CD2AP: variants seen among roughly 807,000 people sequenced by gnomAD.
The protein encoded by CD2AP is CD2 associated protein.
CD2AP carries 46 observed loss-of-function variants against 85.1 expected under a neutral mutation model. That is an observed-to-expected ratio of 0.54 (90% CI 0.43 to 0.69). CD2AP has a LOEUF of 0.69. Among genes scored for constraint, CD2AP ranks in the 30% least tolerant of loss-of-function variants. CD2AP has a pLI of 0.00. For missense variants in CD2AP, 769 were observed against 729.5 expected (o/e 1.05, Z -0.62); for synonymous variants, 255 against 252.9 (o/e 1.01, Z -0.08).
chr6:47,593,957 T>C (rs969413164), intron 11 of CD2AP, among the ~76,000 whole-genome samples: 3 of 152,050 alleles, frequency 2.0e-5, no homozygotes, highest in Non-Finnish European at 4.4e-5. Flanking sequence ...TATTATTCAG[T>C]CACAAAAAGG....
rs770175851 is a variant in CD2AP, at chr6:47,595,858, T to C, written c.1109-3T>C. ...ATAACTTGTGAAATATTTTAAATCTTAGATGAAAAATCAACACTGGAACAG... is the reference window on the plus strand; with the variant it reads ...ATAACTTGTGAAATATTTTAAATCTCAGATGAAAAATCAACACTGGAACAG... On this transcript the variant is annotated splice_polypyrimidine_tract_variant and splice_region_variant and intron_variant, in intron 11 of 17. Transcript: ENST00000359314. 45 of 1,609,954 alleles carry C rather than the reference T, an allele frequency of 2.8e-5. 1 individual carries two copies. The South Asian group carries it at 3.7e-4, about 13-fold the overall frequency.
intron 2 of CD2AP, among the ~76,000 whole-genome samples, chr6:47,526,595 G>C (rs1315660917): frequency 6.6e-6 from 1 of 152,112 alleles, no homozygotes; most frequent in African/African-American, 2.4e-5. Context: ...CTTGAGCAAT[G>C]AATTCATATA....
chr6:47,605,737 AC>A (rs1450998405), intron 13 of CD2AP, among the ~76,000 whole-genome samples: 1 of 152,050 alleles, frequency 6.6e-6, no homozygotes, highest in Non-Finnish European at 1.5e-5. Flanking sequence ...TGAATATTCT[AC>A]TTCTTGAAGT....
At chr6:47,606,922 A>G (rs1181800322) in intron 14 of CD2AP, among the ~76,000 whole-genome samples, 5 of 151,942 alleles carry the variant, frequency 3.3e-5, no homozygotes, top group Non-Finnish European at 7.4e-5. Context: ...CATTCTTTCT[A>G]CTTTTTGTAC....
intron 14 of CD2AP, 195 bp from the exon 15 acceptor site, chr6:47,607,732 A>G: frequency 4.0e-6 from 2 of 502,104 alleles, no homozygotes; most frequent in Non-Finnish European, 7.1e-6. Flanking sequence ...CTAAGAGGCA[A>G]GCTGTTTTTG....
At chr6:47,513,414 G>A (rs1766369331) in intron 2 of CD2AP, among the ~76,000 whole-genome samples, 1 of 152,124 alleles carries the variant, frequency 6.6e-6, no homozygotes, top group Non-Finnish European at 1.5e-5. Flanking sequence ...TTCGTTTATA[G>A]TGTTGAGGTC....
chr6:47,510,602 T>C (rs2113992300), intron 2 of CD2AP, among the ~76,000 whole-genome samples: 1 of 152,294 alleles, frequency 6.6e-6, no homozygotes, highest in South Asian at 2.1e-4. Flanking sequence ...GATTTTTATG[T>C]AAAATACAGC....
chr6:47,612,444 C>T (rs1769470620), intron 16 of CD2AP, 29 bp from the exon 17 acceptor site: 4 of 1,441,188 alleles, frequency 2.8e-6, no homozygotes, highest in African/African-American at 1.4e-5. Flanking sequence ...AATCGAAAGA[C>T]TTAACAGTAA....
At chr6:47,587,944 T>A (rs1294325948) in intron 11 of CD2AP, among the ~76,000 whole-genome samples, 1 of 152,138 alleles carries the variant, frequency 6.6e-6, no homozygotes, top group Non-Finnish European at 1.5e-5. Flanking sequence ...TGAATTCTAT[T>A]ATTGTAGGCT....
At chr6:47,495,316 T>C (rs900047520) in intron 1 of CD2AP, among the ~76,000 whole-genome samples, 4 of 152,050 alleles carry the variant, frequency 2.6e-5, no homozygotes, top group Admixed American at 2.6e-4. Context: ...CACGTCAAGA[T>C]GGAGGTAGAG....
intron 4 of CD2AP, among the ~76,000 whole-genome samples, chr6:47,546,602 A>G (rs1767371038): frequency 6.6e-6 from 1 of 152,326 alleles, no homozygotes; most frequent in East Asian, 1.9e-4. Context: ...TTTAAAAAAC[A>G]TATTTGGGGG....
chr6:47,553,513 A>ATTTTTTTTT (rs148273065), intron 4 of CD2AP, among the ~76,000 whole-genome samples: 2,018 of 110,252 alleles, frequency 0.018, no homozygotes, highest in East Asian at 0.026. Context: ...CACCTAGTGA[A>ATTTTTTTTT]TTTTTTTTTT....
intron 5 of CD2AP, among the ~76,000 whole-genome samples, chr6:47,558,769 TG>T (rs776344039): frequency 6.6e-6 from 1 of 152,210 alleles, no homozygotes; most frequent in Non-Finnish European, 1.5e-5. Flanking sequence ...TCAGGGATAT[TG>T]GCCTGAAATT....
At chr6:47,580,630 A>G (rs1371826978) in intron 9 of CD2AP, among the ~76,000 whole-genome samples, 1 of 152,178 alleles carries the variant, frequency 6.6e-6, no homozygotes, top group African/African-American at 2.4e-5. Context: ...CCACTGAAAT[A>G]TGGATTGAGA....
chr6:47,511,156 G>T (rs143266548), intron 2 of CD2AP, among the ~76,000 whole-genome samples: 3 of 146,028 alleles, frequency 2.1e-5, no homozygotes, highest in East Asian at 2.0e-4. Context: ...GAGAAACTTC[G>T]CAAATACTGC....
At position 47,478,221 on chromosome 6, in the gene CD2AP, C is replaced by T. The variant is rs944273817; in HGVS notation, c.-24C>T. On this transcript the variant is annotated 5_prime_UTR_variant, in exon 1 of 18. Coordinates refer to ENST00000359314, the MANE Select transcript of CD2AP (RefSeq NM_012120.3). ...GAGGAGGAGGAGGAGCGGACGTCGG[C>T]TTCTCCCCGCGGGAGCCCCCAGCAT... 6 of 1,567,188 alleles carry T rather than the reference C, an allele frequency of 3.8e-6. No individual in the cohort carries two copies. The highest frequency in any genetic ancestry group is 2.7e-5 in the African/African-American group (2 of 73,844).
intron 12 of CD2AP, among the ~76,000 whole-genome samples, chr6:47,598,093 A>G (rs1768998202): frequency 6.6e-6 from 1 of 151,078 alleles, no homozygotes; most frequent in Admixed American, 6.6e-5. Flanking sequence ...GACTAAGTAC[A>G]TGAATAGACA....
chr6:47,555,300 G>T (rs945875647), intron 5 of CD2AP, among the ~76,000 whole-genome samples: 1 of 152,086 alleles, frequency 6.6e-6, no homozygotes, highest in Non-Finnish European at 1.5e-5. Flanking sequence ...TTACCCCAAA[G>T]CTAGATTTAA....
At chr6:47,513,430 C>G (rs1414204224) in intron 2 of CD2AP, among the ~76,000 whole-genome samples, 1 of 152,170 alleles carries the variant, frequency 6.6e-6, no homozygotes, top group African/African-American at 2.4e-5. Context: ...AGGTCCCAAA[C>G]TGCATAGGTT....
Sources: allele counts gnomAD v4.1 joint callset (sites outside exome capture counted in the v4.1 genomes callset), GRCh38; gene constraint gnomAD v4.1.1; transcripts MANE v1.5; gene names NCBI Gene and HGNC (gene_info 2026-07-23, HGNC 2026-07-21).